The following SEC63 variants were observed in gnomAD, a reference collection of about 807,000 sequenced individuals.
SEC63 encodes SEC63 protein translocation regulator, also known as translocation protein SEC63 homolog.
In SEC63, 56 loss-of-function variants were observed where a neutral mutation model predicts 116.2. The ratio of observed to expected loss-of-function variants is 0.48; its 90% CI spans 0.39 to 0.60. SEC63 has a LOEUF of 0.60. SEC63 is among the 20% of genes least tolerant of loss of function. SEC63 has a pLI of 0.00. For synonymous variants in SEC63, 273 were observed against 294.6 expected (o/e 0.93, Z 0.75); for missense variants, 668 against 900.0 (o/e 0.74, Z 3.30).
chr6:107,890,232 C>T (rs1414263950), intron 16 of SEC63, among the ~76,000 whole-genome samples: 1 of 152,076 alleles, frequency 6.6e-6, no homozygotes, highest in East Asian at 1.9e-4. Flanking sequence ...TAAGAACTTG[C>T]TTTATGAATC....
At chr6:107,925,139 G>A (rs1787646760) in intron 2 of SEC63, among the ~76,000 whole-genome samples, 1 of 152,102 alleles carries the variant, frequency 6.6e-6, no homozygotes, top group Admixed American at 6.6e-5. Context: ...CTAGTACAGT[G>A]TCTACTATTC....
intron 16 of SEC63, among the ~76,000 whole-genome samples, chr6:107,889,549 C>G (rs1786622566): frequency 6.6e-6 from 1 of 151,972 alleles, no homozygotes; most frequent in South Asian, 2.1e-4. Context: ...TCCTTGGATT[C>G]ATTGATTTTT....
intron 4 of SEC63, among the ~76,000 whole-genome samples, chr6:107,918,904 C>CTTTTTTTTTTTTTTTT (rs1164457296): frequency 1.8e-5 from 1 of 54,736 alleles, no homozygotes; most frequent in African/African-American, 7.5e-5. Flanking sequence ...AGCTGATTTC[C>CTTTTTTTTTTTTTTTT]TTTTTTTTTT....
chr6:107,904,745 A>C (rs2114447109), intron 10 of SEC63, 24 bp from the exon 11 acceptor site: 1 of 1,525,850 alleles, frequency 6.6e-7, no homozygotes, highest in Non-Finnish European at 9.1e-7. Flanking sequence ...AAAAACCTGA[A>C]ACAGATCATT....
chr6:107,927,132 G>A (rs1055015234), intron 2 of SEC63, among the ~76,000 whole-genome samples: 8 of 151,964 alleles, frequency 5.3e-5, no homozygotes, highest in South Asian at 2.1e-4. Flanking sequence ...GCACAATCTC[G>A]GCTCACTGCA....
chr6:107,932,526 A>G (rs2114492576), intron 1 of SEC63, among the ~76,000 whole-genome samples: 1 of 152,248 alleles, frequency 6.6e-6, no homozygotes, highest in South Asian at 2.1e-4. Context: ...AGAAAAGGAG[A>G]CTGATAATAT....
At chr6:107,917,747 G>C (rs1200463237) in intron 4 of SEC63, among the ~76,000 whole-genome samples, 5 of 152,186 alleles carry the variant, frequency 3.3e-5, no homozygotes, top group African/African-American at 4.8e-5. Context: ...TCCAAAGCAA[G>C]GCCCTAACGA....
intron 4 of SEC63, among the ~76,000 whole-genome samples, chr6:107,914,717 A>C (rs1488884504): frequency 6.6e-6 from 1 of 152,144 alleles, no homozygotes; most frequent in African/African-American, 2.4e-5. Context: ...CCCCTGTACA[A>C]CTGTCCACCC....
intron 1 of SEC63, among the ~76,000 whole-genome samples, chr6:107,950,563 T>C (rs9373992): frequency 0.11 from 16,109 of 152,252 alleles, 967 homozygotes; most frequent in East Asian, 0.21. Flanking sequence ...ATACAAAGTA[T>C]CTTCTCTGAC....
intron 1 of SEC63, among the ~76,000 whole-genome samples, chr6:107,934,399 G>A (rs1188327082): frequency 2.0e-5 from 3 of 150,838 alleles, no homozygotes; most frequent in Admixed American, 6.6e-5. Flanking sequence ...TGTGGGAAGC[G>A]TCTGTGCCCC....
chr6:107,937,448 C>T (rs1040922792), intron 1 of SEC63, among the ~76,000 whole-genome samples: 4 of 151,594 alleles, frequency 2.6e-5, no homozygotes, highest in African/African-American at 4.9e-5. Context: ...TTATCCAGTC[C>T]GCTATTGATA....
In SEC63 at chr6:107,908,938, A is replaced by C; in HGVS notation, c.722T>G (p.Met241Arg). Residue 241 changes from methionine to arginine, a missense_variant, in exon 8 of 21, where the codon ATG becomes AGG. Met to Arg is a moderately conservative substitution (Grantham distance 91). Coordinates refer to ENST00000369002, the MANE Select transcript of SEC63 (RefSeq NM_007214.5). Reference sequence around the variant, plus strand: ...TAAAGTTTACTTACGTTTCATATCCATATTTCGGGTTTTATAAACAAAGTA... The same window carrying C: ...TAAAGTTTACTTACGTTTCATATCCCTATTTCGGGTTTTATAAACAAAGTA... ...YTYFVYKTRN[M>R]DMKRLIMVLA... 2 of 1,597,076 alleles carry C rather than the reference A, an allele frequency of 1.3e-6. No homozygotes were observed. The highest frequency in any genetic ancestry group is 1.1e-5 in the South Asian group (1 of 90,646).
At position 107,871,438 on chromosome 6, in the gene SEC63, C is replaced by T. The variant is rs961607160; in HGVS notation, c.*266G>A. The stretch of plus-strand genomic sequence containing the variant: ...ATAATACATAGCCCACACTTCTGGA[C>T]AGTTATAATAACAAAGGATTTATTA... On this transcript the variant is annotated 3_prime_UTR_variant, in exon 21 of 21. Transcript: ENST00000369002. The T allele has an allele frequency of 4.3e-6, 2 of 460,168 alleles. No individual in the cohort carries two copies. The highest frequency in any genetic ancestry group is 8.9e-5 in the East Asian group (2 of 22,376). The allele number at this position is 460,168 out of a possible 1,614,324, so 28.5% of individuals were successfully genotyped here. A position where few individuals can be genotyped will look rare whatever the true frequency, so the allele number is the denominator to read the frequency against.
chr6:107,940,382 T>A, intron 1 of SEC63, among the ~76,000 whole-genome samples: 1 of 152,210 alleles, frequency 6.6e-6, no homozygotes, highest in Non-Finnish European at 1.5e-5. Flanking sequence ...TCTTTTCCTT[T>A]TATGGTACTG....
intron 1 of SEC63, among the ~76,000 whole-genome samples, chr6:107,953,689 AG>A (rs1770631101): frequency 8.1e-6 from 1 of 124,190 alleles, no homozygotes; most frequent in African/African-American, 3.1e-5. Context: ...CCCGTCCGGG[AG>A]GGAGGTGGGG....
intron 13 of SEC63, among the ~76,000 whole-genome samples, chr6:107,899,198 T>C (rs540340517): frequency 2.0e-5 from 3 of 152,324 alleles, no homozygotes; most frequent in East Asian, 3.9e-4. Flanking sequence ...CCAGCATTAT[T>C]ATCATGCAGA....
At chr6:107,880,695 G>A (rs1469278087) in intron 18 of SEC63, among the ~76,000 whole-genome samples, 6 of 152,080 alleles carry the variant, frequency 3.9e-5, no homozygotes, top group African/African-American at 1.4e-4. Flanking sequence ...CAATGACCAG[G>A]GTCAGAGCAA....
chr6:107,924,791 T>C (rs767959813), intron 3 of SEC63, 27 bp downstream of exon 3: 6 of 1,013,286 alleles, frequency 5.9e-6, no homozygotes, highest in African/African-American at 3.2e-5. Flanking sequence ...ATTAAACTAA[T>C]ATGCATTATA....
intron 16 of SEC63, among the ~76,000 whole-genome samples, chr6:107,892,087 G>C (rs1786696278): frequency 6.6e-6 from 1 of 152,230 alleles, no homozygotes; most frequent in Admixed American, 6.5e-5. Flanking sequence ...TGTGCTGGTA[G>C]ATCTGCTGCT....
Sources: gnomAD v4.1 joint callset for allele counts (sites outside exome capture counted in the v4.1 genomes callset) on GRCh38, gnomAD v4.1.1 for gene constraint, MANE v1.5 for transcripts, NCBI Gene and HGNC (gene_info 2026-07-23, HGNC 2026-07-21) for gene names.